Variants in KAZN observed in about 807,000 individuals in gnomAD.
KAZN encodes the protein kazrin.
KAZN carries 40 observed loss-of-function variants against 87.4 expected under a neutral mutation model. The observed-to-expected ratio is 0.46, with a 90% CI of 0.36 to 0.60. KAZN has a LOEUF of 0.60. KAZN is among the 20% of genes least tolerant of loss of function. The pLI, the probability that KAZN is intolerant of heterozygous loss-of-function variation, is 0.00. For missense variants in KAZN, 898 were observed against 1,073.9 expected (o/e 0.84, Z 2.29); for synonymous variants, 466 against 458.3 (o/e 1.02, Z -0.22).
chr1:13,894,729 AC>A (rs1183203594), intron 1 of KAZN, among the ~76,000 whole-genome samples: 4 of 152,112 alleles, frequency 2.6e-5, no homozygotes, highest in African/African-American at 9.6e-5. Context: ...TGCAGACTGC[AC>A]CCCCCTTCCT....
intron 1 of KAZN, among the ~76,000 whole-genome samples, chr1:14,747,898 A>G (rs1644306205): frequency 6.6e-6 from 1 of 152,232 alleles, no homozygotes; most frequent in Non-Finnish European, 1.5e-5. Flanking sequence ...ATGAAGTGGT[A>G]TTCGGCTTAT....
At chr1:14,263,687 CAG>C (rs1400523320) in intron 2 of KAZN, among the ~76,000 whole-genome samples, 1 of 152,170 alleles carries the variant, frequency 6.6e-6, no homozygotes, top group Non-Finnish European at 1.5e-5. Context: ...AGCAAACTAA[CAG>C]AAAGGATGGT....
intron 1 of KAZN, among the ~76,000 whole-genome samples, chr1:14,775,342 A>G (rs1645144755): frequency 6.6e-6 from 1 of 152,216 alleles, no homozygotes; most frequent in South Asian, 2.1e-4. Flanking sequence ...GGGTTTTATG[A>G]GCATTCTGTT....
chr1:14,377,208 G>C (rs938065589), intron 2 of KAZN, among the ~76,000 whole-genome samples: 1 of 152,096 alleles, frequency 6.6e-6, no homozygotes, highest in African/African-American at 2.4e-5. Flanking sequence ...ATAACATGAG[G>C]GCAGGAATCA....
chr1:14,744,901 C>A (rs1247812390), intron 1 of KAZN, among the ~76,000 whole-genome samples: 1 of 152,120 alleles, frequency 6.6e-6, no homozygotes, highest in African/African-American at 2.4e-5. Flanking sequence ...CCCTCCAAGT[C>A]ACTACCTGTC....
chr1:14,026,265 G>A (rs1022651018), intron 1 of KAZN, among the ~76,000 whole-genome samples: 2 of 152,112 alleles, frequency 1.3e-5, no homozygotes, highest in Non-Finnish European at 2.9e-5. Flanking sequence ...CCGAGGGCTG[G>A]CAACAGTGAG....
At chr1:14,085,535 G>T (rs1244478679) in intron 1 of KAZN, among the ~76,000 whole-genome samples, 1 of 152,152 alleles carries the variant, frequency 6.6e-6, no homozygotes, top group Non-Finnish European at 1.5e-5. Flanking sequence ...GGAAACTTTT[G>T]TGTCTACCTC....
At chr1:14,700,457 C>G (rs549677523) in intron 1 of KAZN, among the ~76,000 whole-genome samples, 1 of 149,464 alleles carries the variant, frequency 6.7e-6, no homozygotes, top group East Asian at 2.0e-4. Context: ...GGCTACAGAA[C>G]AAGACTCTGT....
chr1:14,440,925 C>T (rs918254368), intron 2 of KAZN, among the ~76,000 whole-genome samples: 2 of 152,160 alleles, frequency 1.3e-5, no homozygotes, highest in African/African-American at 4.8e-5. Context: ...CTGGCAGCAA[C>T]CTTCTTCTCT....
intron 1 of KAZN, among the ~76,000 whole-genome samples, chr1:14,866,310 A>G (rs1651449407): frequency 6.6e-6 from 1 of 152,198 alleles, no homozygotes; most frequent in African/African-American, 2.4e-5. Context: ...ACAGAAAGCA[A>G]GCATCCCGAT....
intron 2 of KAZN, among the ~76,000 whole-genome samples, chr1:15,018,407 T>G (rs1670340733): frequency 6.6e-6 from 1 of 151,788 alleles, no homozygotes; most frequent in African/African-American, 2.4e-5. Context: ...TGGCTGGGGG[T>G]TGGTGGTGGC....
At chr1:14,592,615 T>C (rs974905488) in intron 2 of KAZN, among the ~76,000 whole-genome samples, 2 of 152,208 alleles carry the variant, frequency 1.3e-5, no homozygotes, top group African/African-American at 4.8e-5. Context: ...CAGAGGCTTG[T>C]GGCTAGAGCC....
intron 1 of KAZN, among the ~76,000 whole-genome samples, chr1:13,994,413 G>C (rs1034402260): frequency 6.6e-6 from 1 of 152,200 alleles, no homozygotes; most frequent in Admixed American, 6.5e-5. Flanking sequence ...AAATCATAAA[G>C]AGTCAAAGGC....
At chr1:14,961,813 A>G (rs1354874974) in intron 2 of KAZN, among the ~76,000 whole-genome samples, 1 of 152,216 alleles carries the variant, frequency 6.6e-6, no homozygotes, top group Non-Finnish European at 1.5e-5. Context: ...AATTAGGTTA[A>G]TACCATGCTG....
chr1:14,659,353 C>T (rs753618733), intron 1 of KAZN, among the ~76,000 whole-genome samples: 2 of 151,928 alleles, frequency 1.3e-5, no homozygotes, highest in East Asian at 1.9e-4. Flanking sequence ...GTCACTCAGG[C>T]GAGGAGATGG....
At chr1:14,013,672 T>C (rs1305450646) in intron 1 of KAZN, among the ~76,000 whole-genome samples, 1 of 152,232 alleles carries the variant, frequency 6.6e-6, no homozygotes, top group Non-Finnish European at 1.5e-5. Flanking sequence ...TATTAGCTTA[T>C]TTTCCTGACA....
At chr1:14,815,812 C>T (rs1011389772) in intron 1 of KAZN, among the ~76,000 whole-genome samples, 54 of 152,286 alleles carry the variant, frequency 3.5e-4, no homozygotes, top group African/African-American at 1.2e-3. Context: ...CCACATCAGG[C>T]AGTGATAAGG....
intron 1 of KAZN, among the ~76,000 whole-genome samples, chr1:14,007,890 A>G (rs1640105427): frequency 6.6e-6 from 1 of 152,184 alleles, no homozygotes. Context: ...CAAGCGTCCT[A>G]GGTTTGAATC....
At position 15,066,894 on chromosome 1, in the gene KAZN, C is replaced by A; in HGVS notation, c.1222+1141C>A. The stretch of plus-strand genomic sequence containing the variant: ...CTTCCCACCCAGAGCTCCCTCCAGG[C>A]CTTTCTCTATATATTTATTTATCTG... On this transcript the variant is annotated intron_variant, in intron 8 of 14. Transcript: ENST00000376030. This position sits in a 1 kb window ranked among gnomAD's most constrained non-coding sequence, Gnocchi z 4.3. 2 of 985,494 alleles carry A rather than the reference C, an allele frequency of 2.0e-6. No homozygotes were observed. Among genetic ancestry groups the A allele is most frequent in the African/African-American group, 1.7e-5 (1 of 57,358 alleles). The allele number at this position is 985,494 out of a possible 1,614,324, so 61.0% of individuals were successfully genotyped here. A position where few individuals can be genotyped will look rare whatever the true frequency, so the allele number is the denominator to read the frequency against.
Sources: allele counts gnomAD v4.1 joint callset (sites outside exome capture counted in the v4.1 genomes callset), GRCh38; gene constraint gnomAD v4.1.1; non-coding constraint Gnocchi (gnomAD v3.1); transcripts MANE v1.5; gene names NCBI Gene and HGNC (gene_info 2026-07-23, HGNC 2026-07-21).